The following TNRC18 variants were observed in gnomAD, a reference collection of about 807,000 sequenced individuals.
The protein encoded by TNRC18 is trinucleotide repeat-containing gene 18 protein.
Under a neutral mutation model 226.7 loss-of-function variants are expected in TNRC18, and 69 were observed. That is an observed-to-expected ratio of 0.30 (90% confidence interval 0.25 to 0.37). TNRC18 has a LOEUF of 0.37. TNRC18 is among the 10% of genes least tolerant of loss of function. The pLI is 1.00. For synonymous variants in TNRC18, 2,449 were observed against 1,927.6 expected (o/e 1.27, Z -7.09); for missense variants, 4,754 against 4,256.6 (o/e 1.12, Z -3.25).
At chr7:5,355,571 G>A (rs1021822505) in intron 16 of TNRC18, among the ~76,000 whole-genome samples, 2 of 152,188 alleles carry the variant, frequency 1.3e-5, no homozygotes, top group Non-Finnish European at 1.5e-5. Context: ...GGAAAACAGG[G>A]AGACCCCATC....
chr7:5,310,673 T>G (rs1475867099), intron 27 of TNRC18, among the ~76,000 whole-genome samples: 1 of 152,242 alleles, frequency 6.6e-6, no homozygotes, highest in East Asian at 1.9e-4. Context: ...GTGCTGGGAT[T>G]ACAGACTTAA....
At chr7:5,310,702 G>GAGA (rs1250905450) in intron 27 of TNRC18, among the ~76,000 whole-genome samples, 1 of 152,270 alleles carries the variant, frequency 6.6e-6, no homozygotes, top group Non-Finnish European at 1.5e-5. Context: ...ACCTGGGCAA[G>GAGA]AGAGACTTGA....
At chr7:5,407,633 CA>C (rs759070483) in intron 2 of TNRC18, among the ~76,000 whole-genome samples, 13 of 152,206 alleles carry the variant, frequency 8.5e-5, no homozygotes, top group African/African-American at 1.4e-4. Context: ...ACCCAGCCCA[CA>C]AAATAAGTGT....
intron 15 of TNRC18, among the ~76,000 whole-genome samples, chr7:5,358,408 C>T (rs1011272234): frequency 6.6e-6 from 1 of 152,170 alleles, no homozygotes; most frequent in Non-Finnish European, 1.5e-5. Context: ...AAAACAAAAG[C>T]ATCCCTCACC....
intron 24 of TNRC18, among the ~76,000 whole-genome samples, chr7:5,319,097 G>A (rs1213270019): frequency 6.6e-6 from 1 of 152,206 alleles, no homozygotes; most frequent in Non-Finnish European, 1.5e-5. Context: ...AGTACAGGGG[G>A]ACAGCATGTG....
chr7:5,362,093 C>A, intron 12 of TNRC18, 60 bp from the exon 13 acceptor site: 1 of 1,582,696 alleles, frequency 6.3e-7, no homozygotes, highest in South Asian at 1.2e-5. Context: ...ACGACGCCCA[C>A]CGCCCACCCA....
At chr7:5,399,207 G>T (rs1163926653) in intron 2 of TNRC18, among the ~76,000 whole-genome samples, 1 of 152,100 alleles carries the variant, frequency 6.6e-6, no homozygotes, top group Admixed American at 6.6e-5. Context: ...CAGGGTGCCA[G>T]GGGGCACTGA....
chr7:5,409,431 T>G (rs1305746678), intron 2 of TNRC18, among the ~76,000 whole-genome samples: 1 of 151,546 alleles, frequency 6.6e-6, no homozygotes. Flanking sequence ...AAAATTAAAT[T>G]CGACAAAAAC....
chr7:5,313,975 T>G lies in TNRC18; in HGVS notation c.7028-112A>C, dbSNP rs560617063. On this transcript the variant is annotated intron_variant, in intron 26 of 29. Coordinates refer to ENST00000430969, the MANE Select transcript of TNRC18 (RefSeq NM_001080495.3). ...GAGTTTTGTTTTTGTTTTTGTTTTT[T>G]TTTTGAGATGGGGTCTCAGTCACCC... 6.2e-4 allele frequency: 749 copies of G among 1,210,748 alleles called. 4 individuals are homozygous for G. The highest frequency in any genetic ancestry group is 5.1e-3 in the African/African-American group (325 of 64,298). The allele number at this position is 1,210,748 out of a possible 1,614,324, so 75.0% of individuals were successfully genotyped here. A position where few individuals can be genotyped will look rare whatever the true frequency, so the allele number is the denominator to read the frequency against.
At chr7:5,365,867 C>T (rs1212195425) in intron 11 of TNRC18, among the ~76,000 whole-genome samples, 1 of 151,940 alleles carries the variant, frequency 6.6e-6, no homozygotes, top group Non-Finnish European at 1.5e-5. Context: ...GTCAGGAGTT[C>T]GAGACCAGCC....
At chr7:5,406,693 A>G (rs1251882681) in intron 2 of TNRC18, among the ~76,000 whole-genome samples, 1 of 151,930 alleles carries the variant, frequency 6.6e-6, no homozygotes, top group African/African-American at 2.4e-5. Context: ...TCTACTAAAA[A>G]TACAAAAATT....
Position 5,388,751 on chromosome 7 carries a change from G to T in TNRC18, c.1073C>A (p.Thr358Asn). Residue 358 changes from threonine (T) to asparagine (N), a missense_variant, in exon 5 of 30, where the codon ACC (threonine) becomes AAC (asparagine). Thr to Asn is a moderately conservative substitution (Grantham distance 65). Coordinates refer to ENST00000430969, the MANE Select transcript of TNRC18 (RefSeq NM_001080495.3). ...CTCACGGCCCTGCTCGCGGAAGACG[G>T]TGTAGACGCCGGCGGGGGTGGCCGC... ...PPAATPAGVY[T>N]VFREQGREHR... The T allele has an allele frequency of 8.0e-7, 1 of 1,244,386 alleles. No homozygotes were observed. Among genetic ancestry groups the T allele is most frequent in the Non-Finnish European group, 1.0e-6 (1 of 992,202 alleles). 77.1% of individuals were successfully genotyped at this position (1,244,386 alleles called of 1,614,324 possible). A position where few individuals can be genotyped will look rare whatever the true frequency, so the allele number is the denominator to read the frequency against.
chr7:5,352,930 A>G (rs994261713), intron 16 of TNRC18, among the ~76,000 whole-genome samples: 1 of 152,228 alleles, frequency 6.6e-6, no homozygotes, highest in African/African-American at 2.4e-5. Context: ...GGGAACGTGA[A>G]CCAACACAGC....
At chr7:5,328,560 G>A (rs1050659198) in intron 19 of TNRC18, among the ~76,000 whole-genome samples, 3 of 151,204 alleles carry the variant, frequency 2.0e-5, no homozygotes, top group Non-Finnish European at 2.9e-5. Context: ...CCAGGCTGGA[G>A]TGCAGTGGCA....
At chr7:5,362,520 G>C (rs2128162112) in intron 12 of TNRC18, 130 bp downstream of exon 12, 1 of 848,944 alleles carries the variant, frequency 1.2e-6, no homozygotes, top group Non-Finnish European at 1.8e-6. Context: ...TCAGCACAAG[G>C]AGCTGAACGT....
In TNRC18 at chr7:5,376,142, C is replaced by T. The variant is rs757367335; in HGVS notation, c.2691G>A (p.Gln897=). 89 of 1,587,448 alleles carry T rather than the reference C, an allele frequency of 5.6e-5. No homozygotes were observed. The change falls in exon 9 of 30, where the codon CAG becomes CAA. Residue 897 remains glutamine (Q), a synonymous_variant. Coordinates refer to ENST00000430969, the MANE Select transcript of TNRC18 (RefSeq NM_001080495.3). The part of the protein sequence containing the change: ...PPGRSPLHHA[Q]QLQLFSQQHF... ...GCTGCTGTGAGAAGAGCTGCAGCTGCTGGGCGTGGTGCAGGGGGCTGCGGC... is the reference window on the plus strand; with the variant it reads ...GCTGCTGTGAGAAGAGCTGCAGCTGTTGGGCGTGGTGCAGGGGGCTGCGGC...
intron 17 of TNRC18, among the ~76,000 whole-genome samples, chr7:5,348,763 AGCCAGGCAGGCGGG>A (rs1791472619): frequency 6.6e-6 from 1 of 152,172 alleles, no homozygotes; most frequent in African/African-American, 2.4e-5. Context: ...TGGAGAGGCC[AGCCAGGCAGGCGGG>A]GGCAGGCAGG....
chr7:5,417,344 C>A (rs546252263), intron 2 of TNRC18, among the ~76,000 whole-genome samples: 2 of 152,118 alleles, frequency 1.3e-5, no homozygotes, highest in East Asian at 3.9e-4. Flanking sequence ...GTGACACATG[C>A]CTGTAGCTCT....
Position 5,362,630 on chromosome 7 carries a change from G to A in TNRC18, c.4395+20C>T, listed in dbSNP as rs1168600239. On this transcript the variant is annotated intron_variant, in intron 12 of 29. Transcript: ENST00000430969. ...CAGCCTCCCCCGCGGACCCCAGGGA[G>A]GAAGCAGCCAGCCGCTCACCCGCTC... 1.3e-6 allele frequency: 2 copies of A among 1,536,374 alleles called. No individual in the cohort carries two copies. The highest frequency in any genetic ancestry group is 8.8e-7 in the Non-Finnish European group (1 of 1,138,494).
Sources: gnomAD v4.1 joint callset for allele counts (sites outside exome capture counted in the v4.1 genomes callset) on GRCh38, gnomAD v4.1.1 for gene constraint, MANE v1.5 for transcripts, NCBI Gene and HGNC (gene_info 2026-07-23, HGNC 2026-07-21) for gene names.